ENTREP1: variants seen among roughly 807,000 people sequenced by gnomAD.
ENTREP1 encodes endosomal transmembrane epsin interactor 1, also known as Friedreich ataxia region gene X123.
At chr9:69,354,254 ATTTTT>A in the ENTREP1 span, among the ~76,000 whole-genome samples, 11 of 105,646 alleles carry the variant, frequency 1.0e-4, no homozygotes, top group Non-Finnish European at 7.1e-5. Flanking sequence ...CTATTGCAAC[ATTTTT>A]TTTTTTTTTT....
chr9:69,340,672 T>TGTGCATGTGTGC, the ENTREP1 span, among the ~76,000 whole-genome samples: 8 of 142,654 alleles, frequency 5.6e-5, no homozygotes, highest in Admixed American at 5.6e-4. Context: ...TGTGCGTGTG[T>TGTGCATGTGTGC]GTGTGCATGC....
chr9:69,340,371 G>C, the ENTREP1 span, among the ~76,000 whole-genome samples: 1 of 152,102 alleles, frequency 6.6e-6, no homozygotes, highest in African/African-American at 2.4e-5. Context: ...GATGACATCA[G>C]GTTTTTTACT....
At chr9:69,328,626 T>C in the ENTREP1 span, among the ~76,000 whole-genome samples, 2 of 150,748 alleles carry the variant, frequency 1.3e-5, no homozygotes, top group Non-Finnish European at 2.9e-5. Context: ...TAGGACATTG[T>C]AACTAATTCA....
the ENTREP1 span, among the ~76,000 whole-genome samples, chr9:69,330,951 C>G: frequency 6.6e-6 from 1 of 152,072 alleles, no homozygotes; most frequent in Non-Finnish European, 1.5e-5. Context: ...AATAGTTAAT[C>G]AAAGTAAAAT....
the ENTREP1 span, chr9:69,387,722 A>C: frequency 1.3e-5 from 5 of 377,788 alleles, no homozygotes; most frequent in Non-Finnish European, 2.5e-5. Flanking sequence ...TTCATCTGAC[A>C]AGTCTTGTCT....
chr9:69,338,034 T>G, the ENTREP1 span, among the ~76,000 whole-genome samples: 1 of 152,222 alleles, frequency 6.6e-6, no homozygotes, highest in Non-Finnish European at 1.5e-5. Context: ...TTGATGGTCT[T>G]GAAAAACTAA....
chr9:69,324,623 G>A, the ENTREP1 span: 1 of 985,242 alleles, frequency 1.0e-6, no homozygotes. Context: ...CTCCCGCGCC[G>A]ATGCGAGGTA....
chr9:69,357,685 A>T, the ENTREP1 span, among the ~76,000 whole-genome samples: 1 of 152,096 alleles, frequency 6.6e-6, no homozygotes, highest in African/African-American at 2.4e-5. Context: ...GGAGCTCCTG[A>T]AATAGGTTGA....
At chr9:69,380,378 A>G in the ENTREP1 span, 1 of 152,248 alleles carries the variant, frequency 6.6e-6, no homozygotes, top group Non-Finnish European at 1.5e-5. Context: ...TTAAGCAGGC[A>G]GGCAAGAATA....
the ENTREP1 span, chr9:69,391,713 C>T: frequency 4.0e-5 from 64 of 1,613,758 alleles, no homozygotes; most frequent in East Asian, 8.9e-5. Flanking sequence ...TTCACACCAG[C>T]GGGGAGGCCC....
At chr9:69,350,794 G>C in the ENTREP1 span, among the ~76,000 whole-genome samples, 1 of 152,138 alleles carries the variant, frequency 6.6e-6, no homozygotes, top group South Asian at 2.1e-4. Flanking sequence ...GTCATTGCTT[G>C]ATGCCTTTTG....
the ENTREP1 span, among the ~76,000 whole-genome samples, chr9:69,355,275 T>G: frequency 3.2e-4 from 49 of 152,228 alleles, no homozygotes; most frequent in Non-Finnish European, 6.5e-4. Context: ...AAATCATTTG[T>G]TCGGTCACTC....
At chr9:69,326,566 C>T in the ENTREP1 span, among the ~76,000 whole-genome samples, 3 of 152,168 alleles carry the variant, frequency 2.0e-5, no homozygotes, top group Admixed American at 6.5e-5. Flanking sequence ...CTATGGACAC[C>T]GGGTGGCCAC....
chr9:69,383,849 G>A, the ENTREP1 span: 1 of 1,584,008 alleles, frequency 6.3e-7, no homozygotes, highest in Non-Finnish European at 8.7e-7. Context: ...GAACAGCAGG[G>A]AGACCGGGCC....
At chr9:69,339,431 A>G in the ENTREP1 span, among the ~76,000 whole-genome samples, 2 of 152,168 alleles carry the variant, frequency 1.3e-5, no homozygotes, top group East Asian at 3.8e-4. Flanking sequence ...TAAGAGTAGC[A>G]TCCCTGTGTG....
chr9:69,349,515 C>A, the ENTREP1 span, among the ~76,000 whole-genome samples: 1 of 152,084 alleles, frequency 6.6e-6, no homozygotes. Context: ...ATTTGATGTT[C>A]AACATCTTTT....
chr9:69,391,702 C>T, the ENTREP1 span: 1 of 1,614,126 alleles, frequency 6.2e-7, no homozygotes, highest in Non-Finnish European at 8.5e-7. Flanking sequence ...ACCTTCACAC[C>T]TTCACACCAG....
chr9:69,340,666 C>CATGTGTGTGTGTGCATGT, the ENTREP1 span, among the ~76,000 whole-genome samples: 1 of 108,650 alleles, frequency 9.2e-6, no homozygotes, highest in Admixed American at 9.4e-5. Flanking sequence ...TGTGTGTGTG[C>CATGTGTGTGTGTGCATGT]GTGTGTGTGT....
the ENTREP1 span, among the ~76,000 whole-genome samples, chr9:69,329,118 C>T: frequency 6.6e-6 from 1 of 152,144 alleles, no homozygotes; most frequent in African/African-American, 2.4e-5. Context: ...GCATATGAAG[C>T]TAGGTAGTTG....
Sources: gnomAD v4.1 joint callset for allele counts (sites outside exome capture counted in the v4.1 genomes callset) on GRCh38, gnomAD v4.1.1 for gene constraint, MANE v1.5 for transcripts, NCBI Gene and HGNC (gene_info 2026-07-23, HGNC 2026-07-21) for gene names.